The following FBXO42 variants were observed in gnomAD, a reference collection of about 807,000 sequenced individuals.
The protein encoded by FBXO42 is F-box protein 42.
FBXO42 carries 12 observed loss-of-function variants against 71.7 expected under a neutral mutation model. That is an observed-to-expected ratio of 0.17 (90% CI 0.11 to 0.27). The LOEUF is 0.27. Among genes scored for constraint, FBXO42 ranks in the 10% least tolerant of loss-of-function variants. FBXO42 has a pLI of 1.00. For synonymous variants in FBXO42, 325 were observed against 327.5 expected (o/e 0.99, Z 0.08); for missense variants, 707 against 911.9 (o/e 0.78, Z 2.89).
intron 2 of FBXO42, among the ~76,000 whole-genome samples, chr1:16,313,357 AAAGAAAGAAAG>A (rs2082334473): frequency 6.6e-6 from 1 of 151,572 alleles, no homozygotes; most frequent in African/African-American, 2.4e-5. Flanking sequence ...AGAAAGAAAG[AAAGAAAGAAAG>A]AAAGAGAAAA....
intron 4 of FBXO42, among the ~76,000 whole-genome samples, chr1:16,279,697 A>C (rs1381529530): frequency 6.8e-6 from 1 of 146,484 alleles, no homozygotes; most frequent in East Asian, 1.9e-4. Context: ...TGGGTAAAAG[A>C]GAATAACAGG....
chr1:16,269,409 G>C (rs1226034824), intron 4 of FBXO42, among the ~76,000 whole-genome samples: 1 of 145,964 alleles, frequency 6.9e-6, no homozygotes, highest in African/African-American at 2.6e-5. Flanking sequence ...TTTTAAGAGA[G>C]TATCACTCTG....
In FBXO42 at chr1:16,251,151, C is replaced by T. The variant is rs756555214; in HGVS notation, c.1673G>A (p.Arg558Gln). The stretch of plus-strand genomic sequence containing the variant: ...CATCGCTTTGATGGCTTCCAGACTC[C>T]GACGCAGGGCACCTGGGGAGACGGC... ...AGAVSPGALR[R>Q]SLEAIKAMSS... Residue 558 changes from arginine (R) to glutamine (Q), a missense_variant, in exon 10 of 10, where the codon CGG becomes CAG. Arg to Gln is a conservative substitution (Grantham distance 43, BLOSUM62 1). Coordinates refer to ENST00000375592, the MANE Select transcript of FBXO42 (RefSeq NM_018994.3). This position sits in a 1 kb window ranked among gnomAD's most constrained non-coding sequence, Gnocchi z 4.5. The T allele has an allele frequency of 2.1e-5, 34 of 1,614,002 alleles. No individual in the cohort carries two copies. The highest frequency in any genetic ancestry group is 1.5e-4 in the Admixed American group (9 of 60,000).
At chr1:16,325,835 A>G (rs2082444328) in intron 1 of FBXO42, among the ~76,000 whole-genome samples, 1 of 152,098 alleles carries the variant, frequency 6.6e-6, no homozygotes, top group Admixed American at 6.6e-5. Flanking sequence ...CATGCTGGCC[A>G]GGGTGGTCTC....
chr1:16,336,681 T>G (rs527988444), intron 1 of FBXO42, among the ~76,000 whole-genome samples: 212 of 151,836 alleles, frequency 1.4e-3, no homozygotes, highest in Non-Finnish European at 2.5e-3. Context: ...TTTGGACATA[T>G]TCATAGAAGA....
intron 4 of FBXO42, among the ~76,000 whole-genome samples, chr1:16,273,524 T>C (rs565831510): frequency 1.3e-5 from 2 of 151,596 alleles, no homozygotes; most frequent in African/African-American, 4.8e-5. Flanking sequence ...ACAATGTTGA[T>C]GGCAGCTATA....
intron 1 of FBXO42, among the ~76,000 whole-genome samples, chr1:16,323,794 CAAA>C (rs1158421632): frequency 0.35 from 21,616 of 61,552 alleles, 1,320 homozygotes; most frequent in Non-Finnish European, 0.42. Flanking sequence ...GACTCTGTCT[CAAA>C]AAAAAAAAAA....
chr1:16,336,430 C>T (rs981427100), intron 1 of FBXO42, among the ~76,000 whole-genome samples: 2 of 151,560 alleles, frequency 1.3e-5, no homozygotes, highest in African/African-American at 2.4e-5. Flanking sequence ...GTGATCTTGG[C>T]TCATTGCAAC....
At chr1:16,288,111 C>T (rs1404861210) in intron 4 of FBXO42, among the ~76,000 whole-genome samples, 2 of 151,966 alleles carry the variant, frequency 1.3e-5, no homozygotes, top group South Asian at 4.1e-4. Flanking sequence ...TGCACTCCAG[C>T]CTGGGAAACA....
chr1:16,297,312 AG>A (rs919345659), intron 3 of FBXO42, among the ~76,000 whole-genome samples: 5 of 152,078 alleles, frequency 3.3e-5, no homozygotes, highest in Admixed American at 2.6e-4. Flanking sequence ...TACGGTAAGA[AG>A]GCCAAGTCAG....
intron 1 of FBXO42, among the ~76,000 whole-genome samples, chr1:16,347,844 C>T (rs1412786160): frequency 6.6e-6 from 1 of 151,904 alleles, no homozygotes; most frequent in African/African-American, 2.4e-5. Flanking sequence ...AAAAAATTAG[C>T]CAGCTGTGGT....
At chr1:16,338,354 C>CAAAAAAAAAAAAA (rs55865669) in intron 1 of FBXO42, among the ~76,000 whole-genome samples, 1 of 108,154 alleles carries the variant, frequency 9.2e-6, no homozygotes. Context: ...GCCCTATCTC[C>CAAAAAAAAAAAAA]AAAAAAAAAA....
intron 1 of FBXO42, among the ~76,000 whole-genome samples, chr1:16,343,973 C>CA (rs2082632055): frequency 1.3e-5 from 2 of 148,778 alleles, no homozygotes; most frequent in South Asian, 4.3e-4. Flanking sequence ...AAAACAACAA[C>CA]AAAAAAAGAA....
intron 1 of FBXO42, among the ~76,000 whole-genome samples, chr1:16,348,801 G>A (rs1165596658): frequency 6.6e-6 from 1 of 152,060 alleles, no homozygotes; most frequent in African/African-American, 2.4e-5. Flanking sequence ...TTTATTGTTG[G>A]GAAAAAGGAG....
chr1:16,258,915 T>A (rs1354545934), intron 4 of FBXO42, among the ~76,000 whole-genome samples: 2 of 152,084 alleles, frequency 1.3e-5, no homozygotes, highest in East Asian at 3.9e-4. Flanking sequence ...TTTTTAAAAT[T>A]TTTTTGTTGT....
intron 2 of FBXO42, among the ~76,000 whole-genome samples, chr1:16,311,517 T>TAC (rs1317615605): frequency 1.4e-5 from 2 of 143,634 alleles, no homozygotes; most frequent in Admixed American, 1.4e-4. Flanking sequence ...TATATATATA[T>TAC]ATATATATAT....
chr1:16,275,228 C>G (rs2081887579), intron 4 of FBXO42, among the ~76,000 whole-genome samples: 1 of 152,152 alleles, frequency 6.6e-6, no homozygotes, highest in African/African-American at 2.4e-5. Context: ...GCCAACAAAT[C>G]AAATATAAAA....
Position 16,252,343 on chromosome 1 carries a change from T to C in FBXO42, c.983A>G (p.Lys328Arg), listed in dbSNP as rs922644791. 3.7e-6 allele frequency: 6 copies of C among 1,614,186 alleles called. No homozygotes were observed. Among genetic ancestry groups the C allele is most frequent in the Admixed American group, 1.7e-5 (1 of 60,020 alleles). The change falls in exon 9 of 10, where the codon AAG becomes AGG. Residue 328 changes from lysine to arginine, a missense_variant. Transcript: ENST00000375592. The surrounding 1 kb of genome is among the most constrained non-coding windows in gnomAD (Gnocchi z 4.4). ...GGCCCCATGCTCTTCATTTTCTACC[T>C]TGAGTGGCTGCCAGGCCCAAGGACC... is the stretch of plus-strand genomic sequence containing the variant. ...HSGPWAWQPL[K>R]VENEEHGAPE...
chr1:16,283,621 C>T (rs1330238993), intron 4 of FBXO42, among the ~76,000 whole-genome samples: 5 of 151,210 alleles, frequency 3.3e-5, no homozygotes, highest in African/African-American at 4.9e-5. Flanking sequence ...CTCAGCCTCC[C>T]GAGTAGCTGG....
Sources: allele counts gnomAD v4.1 joint callset (sites outside exome capture counted in the v4.1 genomes callset), GRCh38; gene constraint gnomAD v4.1.1; non-coding constraint Gnocchi (gnomAD v3.1); transcripts MANE v1.5; gene names NCBI Gene and HGNC (gene_info 2026-07-23, HGNC 2026-07-21).